Variants in SCAPER observed in about 807,000 individuals in gnomAD.
SCAPER encodes the protein S-phase cyclin A associated protein in the ER.
A neutral mutation model predicts 182.2 loss-of-function variants in SCAPER; 98 were observed. The observed-to-expected ratio is 0.54, with a 90% CI of 0.46 to 0.64. The LOEUF (loss-of-function observed/expected upper bound fraction) is 0.64, where lower values mean the gene tolerates loss of function less well. SCAPER is among the 30% of genes least tolerant of loss of function. The pLI is 0.00. For missense variants in SCAPER, 1,432 were observed against 1,690.0 expected (o/e 0.85, Z 2.68); for synonymous variants, 605 against 564.6 (o/e 1.07, Z -1.01).
chr15:76,421,909 T>G, intron 26 of SCAPER, among the ~76,000 whole-genome samples: 1 of 152,228 alleles, frequency 6.6e-6, no homozygotes, highest in Admixed American at 6.5e-5. Flanking sequence ...TTTTGTCAGG[T>G]TTGTCAAAGA....
intron 22 of SCAPER, among the ~76,000 whole-genome samples, chr15:76,584,851 C>T (rs1291877486): frequency 6.6e-6 from 1 of 152,092 alleles, no homozygotes; most frequent in South Asian, 2.1e-4. Flanking sequence ...CCATGTCCAG[C>T]CTCAATTTAA....
chr15:76,784,025 T>C (rs1026109448), intron 8 of SCAPER, among the ~76,000 whole-genome samples: 1 of 152,178 alleles, frequency 6.6e-6, no homozygotes, highest in Admixed American at 6.5e-5. Flanking sequence ...GTGTTGGAAG[T>C]TCTGGCCAGG....
intron 2 of SCAPER, among the ~76,000 whole-genome samples, chr15:76,883,498 T>C (rs1451879729): frequency 6.6e-6 from 1 of 152,188 alleles, no homozygotes; most frequent in African/African-American, 2.4e-5. Flanking sequence ...AGACCCTGGG[T>C]AGGAGGCCAG....
chr15:76,804,782 TTC>T (rs1568191859), intron 5 of SCAPER, 149 bp from the exon 6 acceptor site: 12 of 487,228 alleles, frequency 2.5e-5, no homozygotes, highest in South Asian at 1.9e-4. Flanking sequence ...TTTTTTTTCA[TTC>T]TGTTTGGTAA....
intron 23 of SCAPER, among the ~76,000 whole-genome samples, chr15:76,526,360 G>A (rs146882439): frequency 1.3e-5 from 2 of 152,252 alleles, no homozygotes; most frequent in East Asian, 3.9e-4. Context: ...CAGTCTAACT[G>A]TACATTTTAC....
intron 22 of SCAPER, among the ~76,000 whole-genome samples, chr15:76,594,509 C>G (rs2145715363): frequency 8.3e-6 from 1 of 120,416 alleles, no homozygotes; most frequent in East Asian, 2.2e-4. Flanking sequence ...AAGAGCAACC[C>G]CAAGACACAT....
In SCAPER at chr15:76,793,561, G is replaced by A. The variant is rs549015924; in HGVS notation, c.772+1719C>T. Among the ~76,000 whole-genome samples, 501 of 152,316 alleles carry A rather than the reference G, an allele frequency of 3.3e-3. 2 individuals are homozygous for A. The highest frequency in any genetic ancestry group is 4.9e-3 in the Non-Finnish European group (330 of 68,028). The stretch of plus-strand genomic sequence containing the variant: ...AAAACCTTTTTTAAAAACAGGGTTA[G>A]GGAATGTCTGGATAGCTGAACACTT... On this transcript the variant is annotated intron_variant, in intron 8 of 31. Coordinates refer to ENST00000563290, the MANE Select transcript of SCAPER (RefSeq NM_020843.4).
intron 22 of SCAPER, among the ~76,000 whole-genome samples, chr15:76,613,878 A>G (rs963661345): frequency 2.6e-5 from 4 of 152,196 alleles, no homozygotes; most frequent in Non-Finnish European, 4.4e-5. Context: ...AAAGACAGAA[A>G]TACCATTCAA....
intron 21 of SCAPER, among the ~76,000 whole-genome samples, chr15:76,635,545 ACTT>A (rs2053520438): frequency 6.6e-6 from 1 of 151,698 alleles, no homozygotes; most frequent in South Asian, 2.1e-4. Flanking sequence ...CAATTTGGAT[ACTT>A]CTTACTAGTT....
At chr15:76,414,808 C>G (rs895500586) in intron 26 of SCAPER, among the ~76,000 whole-genome samples, 5 of 152,120 alleles carry the variant, frequency 3.3e-5, no homozygotes, top group African/African-American at 9.7e-5. Context: ...TTTAACACTC[C>G]TATTTTGCTA....
intron 21 of SCAPER, among the ~76,000 whole-genome samples, chr15:76,625,969 C>G (rs2052536475): frequency 6.6e-6 from 1 of 152,104 alleles, no homozygotes; most frequent in Non-Finnish European, 1.5e-5. Flanking sequence ...ACAGAATACA[C>G]TAACAGTAAC....
At chr15:76,771,982 G>A (rs754611852) in intron 9 of SCAPER, 28 bp from the exon 10 acceptor site, 65 of 1,529,350 alleles carry the variant, frequency 4.3e-5, no homozygotes, top group East Asian at 2.3e-5. Context: ...ATGAATCAGA[G>A]ATAATTAAAA....
At chr15:76,852,120 T>G (rs549678236) in intron 4 of SCAPER, among the ~76,000 whole-genome samples, 1 of 152,122 alleles carries the variant, frequency 6.6e-6, no homozygotes, top group South Asian at 2.1e-4. Flanking sequence ...TGATAAAAGA[T>G]TCAATTCAAC....
intron 19 of SCAPER, among the ~76,000 whole-genome samples, chr15:76,702,451 T>A (rs1221410736): frequency 1.3e-5 from 2 of 152,090 alleles, no homozygotes; most frequent in African/African-American, 4.8e-5. Flanking sequence ...TGCCTTAGCA[T>A]GAGTTTTATT....
At chr15:76,689,568 G>C (rs1228735754) in intron 20 of SCAPER, among the ~76,000 whole-genome samples, 1 of 151,930 alleles carries the variant, frequency 6.6e-6, no homozygotes, top group Non-Finnish European at 1.5e-5. Context: ...AACTGATATG[G>C]TAGAGAAAAG....
At chr15:76,725,605 A>G (rs1029676409) in intron 17 of SCAPER, among the ~76,000 whole-genome samples, 7 of 152,144 alleles carry the variant, frequency 4.6e-5, no homozygotes, top group Non-Finnish European at 8.8e-5. Flanking sequence ...CTACAAAACT[A>G]CAGTAATCAA....
intron 26 of SCAPER, among the ~76,000 whole-genome samples, chr15:76,426,047 C>G (rs1293874622): frequency 6.6e-6 from 1 of 152,192 alleles, no homozygotes; most frequent in African/African-American, 2.4e-5. Context: ...CCCAGTTAGG[C>G]TACTCGGGGG....
intron 22 of SCAPER, among the ~76,000 whole-genome samples, chr15:76,585,702 A>G (rs1156710030): frequency 2.0e-5 from 3 of 152,190 alleles, no homozygotes; most frequent in African/African-American, 7.2e-5. Context: ...ATGCCAAATC[A>G]AGGGGATGCT....
intron 26 of SCAPER, among the ~76,000 whole-genome samples, chr15:76,430,216 C>T (rs1279463050): frequency 6.6e-6 from 1 of 152,200 alleles, no homozygotes; most frequent in African/African-American, 2.4e-5. Flanking sequence ...AGGGGAGGGG[C>T]TGTCATGCAG....
Sources: gnomAD v4.1 joint callset for allele counts (sites outside exome capture counted in the v4.1 genomes callset) on GRCh38, gnomAD v4.1.1 for gene constraint, MANE v1.5 for transcripts, NCBI Gene and HGNC (gene_info 2026-07-23, HGNC 2026-07-21) for gene names.